NANOS3: variants seen among roughly 807,000 people sequenced by gnomAD.
NANOS3 encodes the protein nanos C2HC-type zinc finger 3.
Under a neutral mutation model 13.8 loss-of-function variants are expected in NANOS3, and 11 were observed. The observed-to-expected ratio is 0.80, with a 90% confidence interval of 0.50 to 1.32. NANOS3 has a LOEUF of 1.32. Among genes scored for constraint, NANOS3 ranks in the 40% most tolerant of loss-of-function variants. The pLI is 0.00. For missense variants in NANOS3, 221 were observed against 263.8 expected, an observed-to-expected ratio of 0.84 and a Z score of 1.12; for synonymous variants, 119 against 115.4, an observed-to-expected ratio of 1.03 and a Z score of -0.20.
upstream of NANOS3, among the ~76,000 whole-genome samples, chr19:13,873,114 T>C (rs1968429269): frequency 6.6e-6 from 1 of 151,778 alleles, no homozygotes; most frequent in Non-Finnish European, 1.5e-5. Context: ...CTGGGCTCTT[T>C]GAGGACTGGC....
At chr19:13,872,977 T>C (rs576317664), upstream of NANOS3, among the ~76,000 whole-genome samples, 12 of 144,062 alleles carry the variant, frequency 8.3e-5, no homozygotes, top group South Asian at 2.3e-4. Context: ...GAAATTCGGT[T>C]TGGGGGCGTG....
chr19:13,863,292 C>T (rs1976183925), upstream of NANOS3, among the ~76,000 whole-genome samples: 2 of 152,176 alleles, frequency 1.3e-5, no homozygotes, highest in Admixed American at 6.5e-5. Context: ...TCATTGTAGC[C>T]TTGAACTCCT....
chr19:13,868,372 A>G (rs1002440982), intron 1 of NANOS3, among the ~76,000 whole-genome samples: 1 of 151,716 alleles, frequency 6.6e-6, no homozygotes, highest in Non-Finnish European at 1.5e-5. Context: ...ATACTCATTT[A>G]TTGAGCATCT....
At chr19:13,880,390 G>C in intron 1 of NANOS3, 52 bp from the exon 2 acceptor site, 2 of 1,567,608 alleles carry the variant, frequency 1.3e-6, no homozygotes, top group Non-Finnish European at 1.8e-6. Context: ...AACTTGGGGA[G>C]CGTTGAGTCA....
intron 1 of NANOS3, among the ~76,000 whole-genome samples, chr19:13,869,774 G>GCACA (rs745893055): frequency 6.9e-5 from 10 of 144,436 alleles, no homozygotes; most frequent in African/African-American, 1.8e-4. Flanking sequence ...ACACACGCAC[G>GCACA]CACACACACA....
At chr19:13,868,948 G>A (rs1017020280) in intron 1 of NANOS3, among the ~76,000 whole-genome samples, 5 of 151,702 alleles carry the variant, frequency 3.3e-5, no homozygotes, top group Non-Finnish European at 7.4e-5. Flanking sequence ...CACACAGCTG[G>A]TGGAGAGACA....
At chr19:13,880,036 G>T (rs1179887438) in intron 1 of NANOS3, among the ~76,000 whole-genome samples, 1 of 152,102 alleles carries the variant, frequency 6.6e-6, no homozygotes, top group Admixed American at 6.6e-5. Flanking sequence ...ACAAAAAAAA[G>T]AAAGCATGAA....
intron 1 of NANOS3, among the ~76,000 whole-genome samples, chr19:13,871,560 C>T (rs1233836217): frequency 6.6e-6 from 1 of 152,184 alleles, no homozygotes; most frequent in Non-Finnish European, 1.5e-5. Context: ...GGAACAACCT[C>T]CTTGGCAGTT....
At chr19:13,863,602 C>T (rs1976188774), upstream of NANOS3, among the ~76,000 whole-genome samples, 1 of 152,120 alleles carries the variant, frequency 6.6e-6, no homozygotes, top group Non-Finnish European at 1.5e-5. Flanking sequence ...GACTGGCCCC[C>T]CCCAACCCCA....
chr19:13,874,305 A>G (rs146336703), upstream of NANOS3, among the ~76,000 whole-genome samples: 14 of 152,300 alleles, frequency 9.2e-5, no homozygotes, highest in East Asian at 9.7e-4. Context: ...CGTTGCATCA[A>G]TGCCCTCGGG....
At chr19:13,865,162 C>T (rs1330071010), upstream of NANOS3, among the ~76,000 whole-genome samples, 2 of 151,268 alleles carry the variant, frequency 1.3e-5, no homozygotes, top group Non-Finnish European at 3.0e-5. Context: ...ACCCACCGCC[C>T]GGCGCGGCGC....
At chr19:13,875,145 A>G (rs1053368639), upstream of NANOS3, 1 of 309,412 alleles carries the variant, frequency 3.2e-6, no homozygotes. Flanking sequence ...TAAATATTAG[A>G]GGGTTGGGGG....
At position 13,877,753 on chromosome 19, in the gene NANOS3, G is replaced by A. The variant is rs747471900; in HGVS notation, c.505G>A (p.Gly169Arg). The change falls in exon 1 of 2, where the codon GGA becomes AGA. Residue 169 changes from glycine (G) to arginine (R), a missense_variant. Physicochemically the swap from Gly to Arg is moderately radical, Grantham distance 125. This residue lies in a region of NANOS3 where 60 missense variants were observed against 56.5 expected (regional missense o/e 1.06). Transcript: ENST00000339133. ...TQDTGHRRGGGGGAGFRGAGK... is the reference protein window; with the variant it reads ...TQDTGHRRGGRGGAGFRGAGK... Reference sequence around the variant, plus strand: ...GGACACAGGCCACCGCCGAGGAGGAGGAGGAGGAGCAGGTGCCTGCACAGG... The same window carrying A: ...GGACACAGGCCACCGCCGAGGAGGAAGAGGAGGAGCAGGTGCCTGCACAGG... 1.7e-5 allele frequency: 27 copies of A among 1,567,918 alleles called. No individual in the cohort carries two copies. The highest frequency in any genetic ancestry group is 2.2e-5 in the Non-Finnish European group (26 of 1,159,466).
chr19:13,873,411 G>A (rs945577105), upstream of NANOS3, among the ~76,000 whole-genome samples: 2 of 151,940 alleles, frequency 1.3e-5, no homozygotes, highest in African/African-American at 4.8e-5. Context: ...TTGGGGTTAT[G>A]CCAGGCGGTT....
Position 13,877,732 on chromosome 19 carries a change from A to C in NANOS3, c.484A>C (p.Thr162Pro). 1.9e-6 allele frequency: 3 copies of C among 1,591,978 alleles called. No homozygotes were observed. The highest frequency in any genetic ancestry group is 2.6e-6 in the Non-Finnish European group (3 of 1,170,980). The change falls in exon 1 of 2, where the codon ACA (threonine) becomes CCA (proline). Residue 162 changes from threonine (T) to proline (P), a missense_variant. Around this residue, in one of 3 missense-constraint regions of NANOS3, gnomAD observed 60 missense variants for 56.5 expected, o/e 1.06. Coordinates refer to ENST00000339133, the MANE Select transcript of NANOS3 (RefSeq NM_001098622.3). ...GCCTGACAAGGCGAAGACACAGGACACAGGCCACCGCCGAGGAGGAGGAGG... is the reference window on the plus strand; with the variant it reads ...GCCTGACAAGGCGAAGACACAGGACCCAGGCCACCGCCGAGGAGGAGGAGG... Reference protein sequence around the residue: ...VRPDKAKTQDTGHRRGGGGGA... With the variant: ...VRPDKAKTQDPGHRRGGGGGA...
At chr19:13,872,689 C>G (rs1968417303), upstream of NANOS3, among the ~76,000 whole-genome samples, 1 of 152,238 alleles carries the variant, frequency 6.6e-6, no homozygotes, top group Non-Finnish European at 1.5e-5. Flanking sequence ...CCACCTCCCT[C>G]GGAAGGGCCT....
upstream of NANOS3, among the ~76,000 whole-genome samples, chr19:13,863,144 A>G (rs561381583): frequency 2.0e-5 from 3 of 152,192 alleles, no homozygotes; most frequent in Non-Finnish European, 4.4e-5. Flanking sequence ...TGAATGTTGC[A>G]TATTCCAAAG....
chr19:13,867,996 G>A (rs957985356), intron 1 of NANOS3, among the ~76,000 whole-genome samples: 1 of 151,782 alleles, frequency 6.6e-6, no homozygotes. Flanking sequence ...TGACACACAG[G>A]CAGGCAGAAA....
intron 1 of NANOS3, among the ~76,000 whole-genome samples, chr19:13,868,745 G>T (rs971834742): frequency 1.3e-5 from 2 of 151,802 alleles, no homozygotes; most frequent in African/African-American, 4.8e-5. Flanking sequence ...TGGGGAATGG[G>T]ATGGGGGGGA....
Sources: gnomAD v4.1 joint callset for allele counts (sites outside exome capture counted in the v4.1 genomes callset) on GRCh38, gnomAD v4.1.1 for gene constraint, gnomAD v4.1.1 regional missense constraint, MANE v1.5 for transcripts, NCBI Gene and HGNC (gene_info 2026-07-23, HGNC 2026-07-21) for gene names.